The following GNG7 variants were observed in gnomAD, a reference collection of about 807,000 sequenced individuals.
GNG7 encodes guanine nucleotide-binding protein G(I)/G(S)/G(O) subunit gamma-7.
A neutral mutation model predicts 4.0 loss-of-function variants in GNG7; 1 was observed. The observed-to-expected ratio is 0.25, with a 90% CI of 0.09 to 1.18. The LOEUF is 1.18. GNG7 is among the 50% of genes most tolerant of loss of function. The pLI is 0.50. For synonymous variants in GNG7, 34 were observed against 36.9 expected (o/e 0.92, Z 0.29); for missense variants, 86 against 91.9 (o/e 0.94, Z 0.26).
rs375016997 is a variant in GNG7 at position 2,602,897 on chromosome 19, T to TTTTC, written c.-78+43323_-78+43326dup. 2.4e-3 allele frequency among the ~76,000 whole-genome samples: 243 copies of TTTTC among 103,392 alleles called. 1 individual carries two copies. Among genetic ancestry groups the TTTTC allele is most frequent in the East Asian group, 6.4e-3 (27 of 4,240 alleles). The allele number at this position is 103,392 out of a possible 152,430, so 67.8% of individuals were successfully genotyped here. ...TCTCTCTTTCTCTTTCTTTTTCTCT[T>TTTTC]TTTCTTTCTTTCTTTCTTTCTTTCT... On this transcript the variant is annotated intron_variant, in intron 2 of 4. Coordinates refer to ENST00000382159, the MANE Select transcript of GNG7 (RefSeq NM_052847.3).
intron 2 of GNG7, among the ~76,000 whole-genome samples, chr19:2,556,802 CGG>C (rs1278426919): frequency 1.3e-5 from 2 of 152,156 alleles, no homozygotes; most frequent in Non-Finnish European, 2.9e-5. Context: ...GATTGTTCTC[CGG>C]GGCGGGAGCA....
At chr19:2,567,189 T>C (rs1360096440) in intron 2 of GNG7, among the ~76,000 whole-genome samples, 3 of 150,658 alleles carry the variant, frequency 2.0e-5, no homozygotes, top group African/African-American at 7.3e-5. Flanking sequence ...ACACTGTCCA[T>C]CATGGGCCCT....
At chr19:2,563,090 G>T (rs373377034) in intron 2 of GNG7, among the ~76,000 whole-genome samples, 1 of 151,762 alleles carries the variant, frequency 6.6e-6, no homozygotes, top group Non-Finnish European at 1.5e-5. Flanking sequence ...GACTACAGGC[G>T]CCCACCACCA....
At chr19:2,695,271 G>A (rs1049931594) in intron 1 of GNG7, among the ~76,000 whole-genome samples, 4 of 151,396 alleles carry the variant, frequency 2.6e-5, no homozygotes, top group South Asian at 2.1e-4. Flanking sequence ...TGGACCTTCC[G>A]CAGCCCCCTC....
At chr19:2,545,354 G>A (rs923665084) in intron 3 of GNG7, among the ~76,000 whole-genome samples, 6 of 151,928 alleles carry the variant, frequency 3.9e-5, no homozygotes, top group African/African-American at 7.3e-5. Context: ...TCTGCAGAAA[G>A]GTGCACACAT....
At chr19:2,658,447 C>T (rs753504498) in intron 1 of GNG7, among the ~76,000 whole-genome samples, 18 of 151,812 alleles carry the variant, frequency 1.2e-4, no homozygotes, top group Non-Finnish European at 2.5e-4. Flanking sequence ...GTACATCCCC[C>T]GAAACCAAAA....
At chr19:2,659,130 T>C (rs1010991123) in intron 1 of GNG7, among the ~76,000 whole-genome samples, 14 of 151,686 alleles carry the variant, frequency 9.2e-5, no homozygotes, top group East Asian at 2.0e-4. Flanking sequence ...CCACCACACC[T>C]GGCTAATTTT....
chr19:2,652,610 ACT>A (rs1982860298), intron 1 of GNG7, among the ~76,000 whole-genome samples: 2 of 152,024 alleles, frequency 1.3e-5, no homozygotes, highest in Non-Finnish European at 1.5e-5. Flanking sequence ...ACAGAGCGAG[ACT>A]CCATCTCAAA....
intron 1 of GNG7, among the ~76,000 whole-genome samples, chr19:2,694,329 C>A (rs1250404381): frequency 6.6e-6 from 1 of 151,942 alleles, no homozygotes; most frequent in Non-Finnish European, 1.5e-5. Context: ...TCTACCATAG[C>A]CTGGTATAGA....
rs1370896762 is a variant in GNG7, at chr19:2,614,432, A to C, written c.-78+31792T>G. Among the ~76,000 whole-genome samples the C allele has an allele frequency of 1.3e-5, 2 of 151,854 alleles. No individual in the cohort carries two copies. Among genetic ancestry groups the C allele is most frequent in the East Asian group, 1.9e-4 (1 of 5,180 alleles). ...CCCCCCAAAAAGACACCCCATCCCTATCAGCTGTCACTTCCCATCCCCCTC... is the reference window on the plus strand; with the variant it reads ...CCCCCCAAAAAGACACCCCATCCCTCTCAGCTGTCACTTCCCATCCCCCTC... On this transcript the variant is annotated intron_variant, in intron 2 of 4. Transcript: ENST00000382159. The surrounding 1 kb of genome is among the most constrained non-coding windows in gnomAD (Gnocchi z 6.0).
chr19:2,657,361 A>AATATATAT (rs869231931), intron 1 of GNG7, among the ~76,000 whole-genome samples: 147 of 15,722 alleles, frequency 9.3e-3, no homozygotes, highest in East Asian at 0.022. Flanking sequence ...AAAAAAAAAA[A>AATATATAT]ATATATATAT....
At chr19:2,664,109 G>A (rs1018503273) in intron 1 of GNG7, among the ~76,000 whole-genome samples, 3 of 152,218 alleles carry the variant, frequency 2.0e-5, no homozygotes, top group Non-Finnish European at 2.9e-5. Context: ...CGCCCCCCAG[G>A]CCCGGCTGCA....
chr19:2,568,702 A>C (rs938930601), intron 2 of GNG7, among the ~76,000 whole-genome samples: 1 of 150,236 alleles, frequency 6.7e-6, no homozygotes, highest in Non-Finnish European at 1.5e-5. Context: ...CATACATAAA[A>C]TATAGACACA....
intron 2 of GNG7, among the ~76,000 whole-genome samples, chr19:2,605,571 T>C (rs1225848998): frequency 7.4e-6 from 1 of 134,864 alleles, no homozygotes; most frequent in Non-Finnish European, 1.5e-5. Flanking sequence ...TGGAGTGCAG[T>C]GGCTTGATCT....
rs530003310 is a variant in GNG7, at chr19:2,634,514, C to T, written c.-78+11710G>A. Among the ~76,000 whole-genome samples the T allele has an allele frequency of 6.6e-6, 1 of 152,236 alleles. No homozygotes were observed. The highest frequency in any genetic ancestry group is 2.4e-5 in the African/African-American group (1 of 41,534). Reference sequence around the variant, plus strand: ...CTACAGATGTGGAGGCTGCTGGGTACAGGGAGAGGTTTCTGAGTCCTGGAG... The same window carrying T: ...CTACAGATGTGGAGGCTGCTGGGTATAGGGAGAGGTTTCTGAGTCCTGGAG... On this transcript the variant is annotated intron_variant, in intron 2 of 4. Coordinates refer to ENST00000382159, the MANE Select transcript of GNG7 (RefSeq NM_052847.3). The surrounding 1 kb of genome is among the most constrained non-coding windows in gnomAD (Gnocchi z 5.3).
chr19:2,519,109 T>C (rs1334314171), intron 4 of GNG7, among the ~76,000 whole-genome samples: 1 of 151,244 alleles, frequency 6.6e-6, no homozygotes, highest in Non-Finnish European at 1.5e-5. Context: ...TAAATGTTTT[T>C]TTAGATGTTG....
At chr19:2,531,335 A>G (rs1217916594) in intron 3 of GNG7, among the ~76,000 whole-genome samples, 2 of 146,964 alleles carry the variant, frequency 1.4e-5, no homozygotes, top group African/African-American at 2.5e-5. Context: ...AAAAGGAGTA[A>G]AGATCAAGAG....
chr19:2,612,167 C>T (rs528196518), intron 2 of GNG7, among the ~76,000 whole-genome samples: 1 of 152,144 alleles, frequency 6.6e-6, no homozygotes, highest in Admixed American at 6.6e-5. Context: ...GCCAGCGCGC[C>T]CGGCCAAATC....
intron 1 of GNG7, among the ~76,000 whole-genome samples, chr19:2,648,461 G>C (rs900911032): frequency 1.3e-5 from 2 of 152,154 alleles, no homozygotes; most frequent in African/African-American, 4.8e-5. Flanking sequence ...AAACTGGTGA[G>C]AGGTAGACAG....
Sources: gnomAD v4.1 joint callset for allele counts (sites outside exome capture counted in the v4.1 genomes callset) on GRCh38, gnomAD v4.1.1 for gene constraint, Gnocchi (gnomAD v3.1) non-coding constraint, MANE v1.5 for transcripts, NCBI Gene and HGNC (gene_info 2026-07-23, HGNC 2026-07-21) for gene names.